The following ERC2 variants were observed in gnomAD, a reference collection of about 807,000 sequenced individuals.
The protein encoded by ERC2 is ELKS/RAB6-interacting/CAST family member 2.
In ERC2, 42 loss-of-function variants were observed where a neutral mutation model predicts 114.8. The observed-to-expected ratio is 0.37, with a 90% CI of 0.29 to 0.47. The LOEUF (loss-of-function observed/expected upper bound fraction) is 0.47, where lower values mean the gene tolerates loss of function less well. Ranked by LOEUF, ERC2 falls within the 20% of genes least tolerant of loss-of-function variation. The pLI is 0.99. For synonymous variants in ERC2, 454 were observed against 425.5 expected, an observed-to-expected ratio of 1.07 and a Z score of -0.82; for missense variants, 939 against 1,150.7, an observed-to-expected ratio of 0.82 and a Z score of 2.66.
At chr3:55,734,299 G>C (rs969929049) in intron 15 of ERC2, among the ~76,000 whole-genome samples, 2 of 152,134 alleles carry the variant, frequency 1.3e-5, no homozygotes, top group Non-Finnish European at 2.9e-5. Flanking sequence ...AAAGGTATTG[G>C]AGGAAATAGT....
At chr3:55,599,134 T>G (rs1416125333) in intron 17 of ERC2, among the ~76,000 whole-genome samples, 4 of 152,232 alleles carry the variant, frequency 2.6e-5, no homozygotes, top group African/African-American at 2.4e-5. Flanking sequence ...TTCAAATAAA[T>G]GGCTGTTGAA....
rs71617290 is a variant in ERC2 at position 56,170,604 on chromosome 3, T to G, written c.1149+2842A>C. On this transcript the variant is annotated intron_variant, in intron 4 of 17. Transcript: ENST00000288221. ...TCTTCTGTTTTTTTTTTTTTTTTTT[T>G]TTTTTTTTTTGAGGTAGTGTCTCAC... Among the ~76,000 whole-genome samples, 250 of 133,144 alleles carry G rather than the reference T, an allele frequency of 1.9e-3. 4 individuals are homozygous for G. The highest frequency in any genetic ancestry group is 4.8e-3 in the African/African-American group (167 of 35,062). 87.3% of individuals were successfully genotyped at this position (133,144 alleles called of 152,430 possible).
rs371168181 is a variant in ERC2 at position 55,630,212 on chromosome 3, C to G, written c.*39+53582G>C. ...GAGACGGAGTTTCGCTCTTGTCGCC[C>G]AGACTGGAGTGCGATGGCGCGATCT... On this transcript the variant is annotated intron_variant, in intron 17 of 17. Coordinates refer to ENST00000288221, the MANE Select transcript of ERC2 (RefSeq NM_015576.3). Among the ~76,000 whole-genome samples, 7 of 152,314 alleles carry G rather than the reference C, an allele frequency of 4.6e-5. No individual in the cohort carries two copies. The East Asian group carries it at 1.4e-3, about 29-fold the overall frequency.
intron 7 of ERC2, among the ~76,000 whole-genome samples, chr3:56,033,926 A>G (rs1216943199): frequency 6.6e-6 from 1 of 152,134 alleles, no homozygotes; most frequent in Non-Finnish European, 1.5e-5. Context: ...CTCCACCTAC[A>G]GACTAGCAGC....
intron 17 of ERC2, among the ~76,000 whole-genome samples, chr3:55,668,016 G>A (rs1309093384): frequency 2.0e-5 from 3 of 152,036 alleles, no homozygotes. Flanking sequence ...CCCACCCCCA[G>A]CCCCTAGTTG....
chr3:56,251,570 G>A (rs1392345512), intron 3 of ERC2, among the ~76,000 whole-genome samples: 1 of 152,160 alleles, frequency 6.6e-6, no homozygotes, highest in Non-Finnish European at 1.5e-5. Context: ...TGGCTGTAAT[G>A]TTGCTAAGCA....
intron 2 of ERC2, among the ~76,000 whole-genome samples, chr3:56,329,991 T>A (rs562630532): frequency 4.0e-5 from 6 of 151,740 alleles, no homozygotes; most frequent in African/African-American, 1.4e-4. Flanking sequence ...AATATACATA[T>A]ATATTTCCAA....
At chr3:55,895,638 T>A (rs1017631851) in intron 13 of ERC2, among the ~76,000 whole-genome samples, 4 of 152,126 alleles carry the variant, frequency 2.6e-5, no homozygotes, top group Non-Finnish European at 5.9e-5. Flanking sequence ...AGAGACTGTG[T>A]CTCCATCTTC....
chr3:56,149,120 C>A lies in ERC2; in HGVS notation c.1162G>T (p.Ala388Ser), dbSNP rs750058273. The change falls in exon 5 of 18, where the codon GCT (alanine) becomes TCT (serine). Residue 388 changes from alanine to serine, a missense_variant. Transcript: ENST00000288221. ...TCCCTTATGTTTCGTTCCAATGAAG[C>A]GATTTTTGTGTCCTGTTGGTAAAGA... ...TVIEMKDTKI[A>S]SLERNIRDLE... The A allele has an allele frequency of 1.9e-6, 3 of 1,602,286 alleles. No homozygotes were observed. The highest frequency in any genetic ancestry group is 1.1e-5 in the South Asian group (1 of 88,214).
intron 14 of ERC2, among the ~76,000 whole-genome samples, chr3:55,816,566 A>G (rs2059910880): frequency 6.6e-6 from 1 of 152,184 alleles, no homozygotes; most frequent in Non-Finnish European, 1.5e-5. Flanking sequence ...GACTCCTTGA[A>G]GGAACTCATT....
chr3:56,359,677 C>CTCTGTAAAAGAAGCA (rs1337605617), intron 2 of ERC2, among the ~76,000 whole-genome samples: 1 of 152,328 alleles, frequency 6.6e-6, no homozygotes, highest in East Asian at 1.9e-4. Flanking sequence ...ACTCATGGTT[C>CTCTGTAAAAGAAGCA]TGTACTCTGT....
intron 12 of ERC2, among the ~76,000 whole-genome samples, chr3:55,978,001 T>G (rs1403346800): frequency 6.6e-6 from 1 of 152,210 alleles, no homozygotes; most frequent in Non-Finnish European, 1.5e-5. Context: ...TTATAAATAC[T>G]ACGGATCTGC....
chr3:55,660,501 C>T (rs2061080817), intron 17 of ERC2, among the ~76,000 whole-genome samples: 1 of 147,014 alleles, frequency 6.8e-6, no homozygotes, highest in South Asian at 2.1e-4. Flanking sequence ...TCTCCTATTT[C>T]CTTGACCATC....
intron 6 of ERC2, among the ~76,000 whole-genome samples, chr3:56,106,091 A>G (rs2078643848): frequency 6.6e-6 from 1 of 152,202 alleles, no homozygotes; most frequent in African/African-American, 2.4e-5. Context: ...CTTTATGAAG[A>G]TCCAAACTGT....
chr3:56,394,272 T>G (rs1473028751), intron 2 of ERC2, among the ~76,000 whole-genome samples: 1 of 152,224 alleles, frequency 6.6e-6, no homozygotes, highest in Non-Finnish European at 1.5e-5. Context: ...TGAAATTAAT[T>G]AATTTTCTTG....
intron 13 of ERC2, among the ~76,000 whole-genome samples, chr3:55,905,791 C>T (rs1220597147): frequency 6.6e-6 from 1 of 152,024 alleles, no homozygotes; most frequent in East Asian, 1.9e-4. Context: ...GTTTCCAGGC[C>T]CCTTCTCCCA....
At chr3:56,285,032 TACACACACACAC>T (rs10575135) in intron 3 of ERC2, among the ~76,000 whole-genome samples, 9 of 106,778 alleles carry the variant, frequency 8.4e-5, no homozygotes, top group African/African-American at 1.1e-4. Flanking sequence ...CACACACACA[TACACACACACAC>T]ACACACACAC....
chr3:56,219,982 A>G (rs183581509), intron 3 of ERC2, among the ~76,000 whole-genome samples: 5 of 152,230 alleles, frequency 3.3e-5, no homozygotes, highest in African/African-American at 1.2e-4. Context: ...AGTGCATTGC[A>G]TATGATAAAA....
chr3:56,171,863 A>G (rs2082689555), intron 4 of ERC2, among the ~76,000 whole-genome samples: 2 of 146,840 alleles, frequency 1.4e-5, no homozygotes, highest in Non-Finnish European at 3.0e-5. Context: ...TTTTTCTTAA[A>G]TGATAATTTG....
Sources: gnomAD v4.1 joint callset for allele counts (sites outside exome capture counted in the v4.1 genomes callset) on GRCh38, gnomAD v4.1.1 for gene constraint, MANE v1.5 for transcripts, NCBI Gene and HGNC (gene_info 2026-07-23, HGNC 2026-07-21) for gene names.